The following ERBB4 variants were observed in gnomAD, a reference collection of about 807,000 sequenced individuals.
ERBB4 encodes the protein erb-b2 receptor tyrosine kinase 4.
A neutral mutation model predicts 158.0 loss-of-function variants in ERBB4; 42 were observed. The ratio of observed to expected loss-of-function variants is 0.27; its 90% confidence interval spans 0.21 to 0.34. ERBB4 has a LOEUF of 0.34. Ranked by LOEUF, ERBB4 falls within the 10% of genes least tolerant of loss-of-function variation. The pLI is 1.00. For synonymous variants in ERBB4, 583 were observed against 558.7 expected (o/e 1.04, Z -0.61); for missense variants, 1,333 against 1,624.1 (o/e 0.82, Z 3.08).
At chr2:212,160,259 G>A (rs1309606824) in intron 1 of ERBB4, among the ~76,000 whole-genome samples, 1 of 151,938 alleles carries the variant, frequency 6.6e-6, no homozygotes, top group Non-Finnish European at 1.5e-5. Flanking sequence ...TTGCTTGCAG[G>A]AGCCTGTATG....
chr2:212,416,415 T>C (rs547795398), intron 1 of ERBB4, among the ~76,000 whole-genome samples: 15 of 152,252 alleles, frequency 9.9e-5, no homozygotes, highest in African/African-American at 3.1e-4. Flanking sequence ...TGTGAAAAGA[T>C]GCAACCCGTA....
intron 1 of ERBB4, among the ~76,000 whole-genome samples, chr2:212,449,635 C>T (rs1384523812): frequency 3.3e-5 from 5 of 151,790 alleles, no homozygotes; most frequent in Admixed American, 2.6e-4. Flanking sequence ...TTGTATTTAC[C>T]TAAGCTTCTT....
intron 4 of ERBB4, among the ~76,000 whole-genome samples, chr2:211,767,228 C>A (rs1214101745): frequency 6.6e-6 from 1 of 152,176 alleles, no homozygotes; most frequent in Non-Finnish European, 1.5e-5. Context: ...TCACCCTCCA[C>A]TGGTAACAGA....
chr2:211,557,354 G>T (rs2067262653), intron 20 of ERBB4, among the ~76,000 whole-genome samples: 1 of 152,094 alleles, frequency 6.6e-6, no homozygotes, highest in Non-Finnish European at 1.5e-5. Context: ...GAAAATTTTT[G>T]CAAACTATGC....
At chr2:212,047,828 T>C (rs568860735) in intron 2 of ERBB4, among the ~76,000 whole-genome samples, 4 of 152,252 alleles carry the variant, frequency 2.6e-5, no homozygotes, top group African/African-American at 9.6e-5. Flanking sequence ...ATGCTTGATA[T>C]TTGATGATTC....
chr2:212,527,906 C>G (rs1218912989), intron 1 of ERBB4, among the ~76,000 whole-genome samples: 1 of 143,144 alleles, frequency 7.0e-6, no homozygotes, highest in East Asian at 2.1e-4. Context: ...TCCTGTGTCC[C>G]TGTGTTCTCA....
chr2:212,044,778 C>A (rs751807084), intron 2 of ERBB4, among the ~76,000 whole-genome samples: 36 of 152,118 alleles, frequency 2.4e-4, no homozygotes, highest in Admixed American at 6.6e-4. Context: ...TCTTTTATGT[C>A]CCAAAGTCCT....
At chr2:212,445,125 T>C (rs2092323211) in intron 1 of ERBB4, among the ~76,000 whole-genome samples, 3 of 151,992 alleles carry the variant, frequency 2.0e-5, no homozygotes, top group South Asian at 2.1e-4. Flanking sequence ...CCTGAGGTAG[T>C]TGGATTGATA....
At chr2:211,797,082 G>T (rs2076398146) in intron 3 of ERBB4, among the ~76,000 whole-genome samples, 1 of 151,858 alleles carries the variant, frequency 6.6e-6, no homozygotes, top group South Asian at 2.1e-4. Flanking sequence ...GAAATTTAAT[G>T]TCTTCTTGCT....
At chr2:212,180,096 G>C (rs113299188) in intron 1 of ERBB4, among the ~76,000 whole-genome samples, 1,816 of 151,738 alleles carry the variant, frequency 0.012, 13 homozygotes, top group Middle Eastern at 0.024. Flanking sequence ...AATTGCCGTT[G>C]CATGCCAAAA....
chr2:211,593,533 T>C (rs1158464204), intron 19 of ERBB4, among the ~76,000 whole-genome samples: 1 of 152,196 alleles, frequency 6.6e-6, no homozygotes, highest in Non-Finnish European at 1.5e-5. Flanking sequence ...TTTCTTAAGC[T>C]TTTACTCTCT....
At chr2:211,973,126 A>G (rs925657980) in intron 2 of ERBB4, among the ~76,000 whole-genome samples, 48 of 152,196 alleles carry the variant, frequency 3.2e-4, no homozygotes, top group African/African-American at 1.1e-3. Context: ...ACATGAACAG[A>G]CACTTTTCAA....
intron 1 of ERBB4, among the ~76,000 whole-genome samples, chr2:212,537,801 A>G (rs1426802170): frequency 1.3e-5 from 2 of 150,776 alleles, no homozygotes; most frequent in South Asian, 4.2e-4. Flanking sequence ...CCTCAAGTCA[A>G]TGGGGAGAGG....
In ERBB4 at chr2:211,798,496, T is replaced by C. The variant is rs150621885; in HGVS notation, c.422-10337A>G. Among the ~76,000 whole-genome samples, 394 of 152,252 alleles carry C rather than the reference T, an allele frequency of 2.6e-3. 1 individual carries two copies. The highest frequency in any genetic ancestry group is 9.1e-3 in the African/African-American group (378 of 41,564). ...TTTTCTACCATCTACAAAATTGGAA[T>C]AATAATCTTTACTTTGTTGGGTTAC... is the stretch of plus-strand genomic sequence containing the variant. On this transcript the variant is annotated intron_variant, in intron 3 of 27. Coordinates refer to ENST00000342788, the MANE Select transcript of ERBB4 (RefSeq NM_005235.3).
rs926700325 is a variant in ERBB4 at position 212,038,881 on chromosome 2, G to A, written c.234+85871C>T. Among the ~76,000 whole-genome samples, 6 of 152,002 alleles carry A rather than the reference G, an allele frequency of 3.9e-5. No individual in the cohort carries two copies. The South Asian group carries it at 8.3e-4, about 21-fold the overall frequency. Reference sequence around the variant, plus strand: ...TGAACATCTTCTCTAGGGCATGATCGGGGAAGAGAAGAAAAGTAAAGTAAA... The same window carrying A: ...TGAACATCTTCTCTAGGGCATGATCAGGGAAGAGAAGAAAAGTAAAGTAAA... On this transcript the variant is annotated intron_variant, in intron 2 of 27. Transcript: ENST00000342788.
intron 4 of ERBB4, among the ~76,000 whole-genome samples, chr2:211,757,212 G>A (rs898744829): frequency 2.6e-5 from 4 of 151,936 alleles, no homozygotes; most frequent in Non-Finnish European, 5.9e-5. Flanking sequence ...TTTTATTCCA[G>A]TCTCAATTCA....
rs570472438 is a variant in ERBB4, at chr2:211,652,181, C to T, written c.1946+5573G>A. Among the ~76,000 whole-genome samples the T allele has an allele frequency of 3.0e-4, 46 of 152,244 alleles. No individual in the cohort carries two copies. The South Asian group carries it at 9.6e-3, about 32-fold the overall frequency. Reference sequence around the variant, plus strand: ...TTAACAACTGAGCTGAGACGTTTTGCTCTTCCCCTATAATTCTGTGATAAC... The same window carrying T: ...TTAACAACTGAGCTGAGACGTTTTGTTCTTCCCCTATAATTCTGTGATAAC... On this transcript the variant is annotated intron_variant, in intron 16 of 27. Coordinates refer to ENST00000342788, the MANE Select transcript of ERBB4 (RefSeq NM_005235.3).
chr2:211,709,274 T>TATATATACATATATATATATATAC (rs1553615210), intron 9 of ERBB4, among the ~76,000 whole-genome samples: 3 of 136,556 alleles, frequency 2.2e-5, no homozygotes, highest in African/African-American at 8.6e-5. Context: ...TATATATATA[T>TATATATACATATATATATATATAC]ACATACATAT....
At chr2:212,058,497 T>C (rs1025855506) in intron 2 of ERBB4, among the ~76,000 whole-genome samples, 9 of 152,126 alleles carry the variant, frequency 5.9e-5, no homozygotes, top group Non-Finnish European at 1.0e-4. Context: ...AAAAAGAGAA[T>C]TTTAGACCAA....
Sources: allele counts gnomAD v4.1 joint callset (sites outside exome capture counted in the v4.1 genomes callset), GRCh38; gene constraint gnomAD v4.1.1; transcripts MANE v1.5; gene names NCBI Gene and HGNC (gene_info 2026-07-23, HGNC 2026-07-21).